ZDHHC20: variants seen among roughly 807,000 people sequenced by gnomAD.
The protein encoded by ZDHHC20 is zDHHC palmitoyltransferase 20, also known as palmitoyltransferase ZDHHC20.
Under a neutral mutation model 57.8 loss-of-function variants are expected in ZDHHC20, and 43 were observed. The observed-to-expected ratio is 0.74, with a 90% CI of 0.58 to 0.96. ZDHHC20 has a LOEUF of 0.96. Among genes scored for constraint, ZDHHC20 ranks in the 40% least tolerant of loss-of-function variants. The pLI is 0.00. For missense variants in ZDHHC20, 391 were observed against 441.1 expected (o/e 0.89, Z 1.02); for synonymous variants, 157 against 153.0 (o/e 1.03, Z -0.19).
chr13:21,427,929 G>A (rs1240736681), intron 1 of ZDHHC20, among the ~76,000 whole-genome samples: 2 of 150,758 alleles, frequency 1.3e-5, no homozygotes, highest in East Asian at 3.9e-4. Context: ...AATAAATCTC[G>A]GTATATATTC....
At chr13:21,429,566 G>A (rs185144247) in intron 1 of ZDHHC20, among the ~76,000 whole-genome samples, 2 of 152,230 alleles carry the variant, frequency 1.3e-5, no homozygotes, top group South Asian at 2.1e-4. Flanking sequence ...AATGTATGTT[G>A]GAGTGGATTT....
chr13:21,397,486 ACC>A (rs972327490), intron 7 of ZDHHC20, among the ~76,000 whole-genome samples: 15 of 152,182 alleles, frequency 9.9e-5, no homozygotes, highest in African/African-American at 3.4e-4. Context: ...ACATGGTGAA[ACC>A]CTGTCTCTAC....
At chr13:21,415,274 C>G (rs1013424760) in intron 3 of ZDHHC20, among the ~76,000 whole-genome samples, 1 of 152,184 alleles carries the variant, frequency 6.6e-6, no homozygotes, top group Non-Finnish European at 1.5e-5. Context: ...TACTCTGGTA[C>G]ATTTTCCTCT....
At chr13:21,417,635 C>T (rs1349743687) in intron 3 of ZDHHC20, among the ~76,000 whole-genome samples, 1 of 152,118 alleles carries the variant, frequency 6.6e-6, no homozygotes, top group Non-Finnish European at 1.5e-5. Context: ...GATGGGGTTT[C>T]ACCATGTTGG....
chr13:21,375,262 C>T lies in ZDHHC20; in HGVS notation c.*1434G>A, dbSNP rs886731653. On this transcript the variant is annotated 3_prime_UTR_variant, in exon 13 of 13. Coordinates refer to ENST00000400590, the MANE Select transcript of ZDHHC20 (RefSeq NM_001330059.2). Reference sequence around the variant, plus strand: ...CTCCCCTGCAGTCCCATTTTACAGACAGGAAGCTCCAACCTGTAGTACTCA... The same window carrying T: ...CTCCCCTGCAGTCCCATTTTACAGATAGGAAGCTCCAACCTGTAGTACTCA... The T allele has an allele frequency of 4.6e-6, 2 of 436,160 alleles. No homozygotes were observed. Among genetic ancestry groups the T allele is most frequent in the African/African-American group, 2.0e-5 (1 of 49,530 alleles). 27.0% of individuals were successfully genotyped at this position (436,160 alleles called of 1,614,324 possible). A position where few individuals can be genotyped will look rare whatever the true frequency, so the allele number is the denominator to read the frequency against.
At chr13:21,448,312 G>T (rs1473833883) in intron 1 of ZDHHC20, among the ~76,000 whole-genome samples, 4 of 102,258 alleles carry the variant, frequency 3.9e-5, no homozygotes, top group African/African-American at 1.3e-4. Flanking sequence ...CCGTCCGGGA[G>T]GGAGGTGGGG....
intron 8 of ZDHHC20, among the ~76,000 whole-genome samples, chr13:21,390,571 A>G (rs960245510): frequency 6.6e-6 from 1 of 152,234 alleles, no homozygotes; most frequent in Non-Finnish European, 1.5e-5. Flanking sequence ...AACATATGCC[A>G]GTTAAATGTG....
In ZDHHC20 at chr13:21,458,669, A is replaced by G. The variant is rs1593297733; in HGVS notation, c.118+385T>C. 3.3e-5 allele frequency among the ~76,000 whole-genome samples: 5 copies of G among 152,342 alleles called. No homozygotes were observed. The South Asian group carries it at 1.0e-3, about 32-fold the overall frequency. ...AAGGAACAGATTTGGTTTTTTAAAA[A>G]AAATGAACAAAAGCCAAAAAAGCCA... On this transcript the variant is annotated intron_variant, in intron 1 of 12. Coordinates refer to ENST00000400590, the MANE Select transcript of ZDHHC20 (RefSeq NM_001330059.2).
chr13:21,413,854 AAAG>A (rs1879563264), intron 3 of ZDHHC20, 82 bp from the exon 4 acceptor site: 8 of 1,196,546 alleles, frequency 6.7e-6, no homozygotes, highest in Non-Finnish European at 9.3e-6. Context: ...TATCTAGAAA[AAAG>A]AAAACCAAAA....
At chr13:21,388,158 G>C (rs901265834) in intron 8 of ZDHHC20, among the ~76,000 whole-genome samples, 25 of 152,128 alleles carry the variant, frequency 1.6e-4, no homozygotes, top group Non-Finnish European at 3.5e-4. Flanking sequence ...TGTGTGCCTC[G>C]GGGGTGCTTG....
chr13:21,413,900 A>T (rs1879570953), intron 3 of ZDHHC20, 128 bp from the exon 4 acceptor site: 1 of 670,108 alleles, frequency 1.5e-6, no homozygotes, highest in Admixed American at 3.6e-5. Context: ...TGTCTTCAAA[A>T]AAAAGCAGAT....
At chr13:21,414,227 TC>T (rs1275918577) in intron 3 of ZDHHC20, among the ~76,000 whole-genome samples, 1 of 94,648 alleles carries the variant, frequency 1.1e-5, no homozygotes, top group Non-Finnish European at 2.2e-5. Context: ...GGCCAAGGAG[TC>T]TTTTTTTTTT....
chr13:21,448,601 T>C (rs1426791741), intron 1 of ZDHHC20, among the ~76,000 whole-genome samples: 1 of 84,258 alleles, frequency 1.2e-5, no homozygotes, highest in African/African-American at 3.8e-5. Context: ...GGTGGGGGGG[T>C]CAGCCCCCTG....
At chr13:21,439,107 T>C (rs868565647) in intron 1 of ZDHHC20, among the ~76,000 whole-genome samples, 15 of 152,206 alleles carry the variant, frequency 9.9e-5, no homozygotes, top group Admixed American at 5.2e-4. Context: ...TGTGGTGGTA[T>C]GAAATCAAAC....
At chr13:21,442,363 C>T (rs887629190) in intron 1 of ZDHHC20, among the ~76,000 whole-genome samples, 17 of 152,176 alleles carry the variant, frequency 1.1e-4, no homozygotes, top group African/African-American at 3.9e-4. Context: ...GTTTAGTCTT[C>T]GTTTCTGATA....
intron 8 of ZDHHC20, among the ~76,000 whole-genome samples, chr13:21,391,086 C>T (rs1412363961): frequency 6.6e-6 from 1 of 151,398 alleles, no homozygotes; most frequent in Non-Finnish European, 1.5e-5. Flanking sequence ...CTCTCATTGC[C>T]CAGGCTGGAG....
chr13:21,403,972 G>A (rs1878087280), intron 4 of ZDHHC20, among the ~76,000 whole-genome samples: 1 of 152,190 alleles, frequency 6.6e-6, no homozygotes, highest in African/African-American at 2.4e-5. Context: ...ACAGGCGTGA[G>A]CCACCGTGGC....
rs34810017 is a variant in ZDHHC20, at chr13:21,392,212, TA to T, written c.595-359del. On this transcript the variant is annotated intron_variant, in intron 7 of 12. Coordinates refer to ENST00000400590, the MANE Select transcript of ZDHHC20 (RefSeq NM_001330059.2). ...GGCAACACAGTGAGACCCTGTCTCA[TA>T]AAAAAAAAAAAAAAACAATAGCAAT... Among the ~76,000 whole-genome samples, 624 of 95,782 alleles carry T rather than the reference TA, an allele frequency of 6.5e-3. 4 individuals carry two copies. The highest frequency in any genetic ancestry group is 0.061 in the East Asian group (183 of 3,000). 62.8% of individuals were successfully genotyped at this position (95,782 alleles called of 152,430 possible).
intron 9 of ZDHHC20, among the ~76,000 whole-genome samples, chr13:21,385,822 C>A (rs1874371341): frequency 6.6e-6 from 1 of 152,012 alleles, no homozygotes; most frequent in African/African-American, 2.4e-5. Context: ...CACTTAAAAT[C>A]AATGATAAGG....
Sources: allele counts gnomAD v4.1 joint callset (sites outside exome capture counted in the v4.1 genomes callset), GRCh38; gene constraint gnomAD v4.1.1; transcripts MANE v1.5; gene names NCBI Gene and HGNC (gene_info 2026-07-23, HGNC 2026-07-21).